UBAC2: variants seen among roughly 807,000 people sequenced by gnomAD.
UBAC2 encodes the protein ubiquitin-associated domain-containing protein 2.
Under a neutral mutation model 44.0 loss-of-function variants are expected in UBAC2, and 26 were observed. The observed-to-expected ratio is 0.59, with a 90% CI of 0.43 to 0.82. UBAC2 has a LOEUF of 0.82. UBAC2 is among the 40% of genes least tolerant of loss of function. The probability of loss-of-function intolerance (pLI) is 0.00; values close to 1 mark genes in which losing one functional copy is unlikely to be tolerated. For missense variants in UBAC2, 329 were observed against 419.4 expected, an observed-to-expected ratio of 0.78 and a Z score of 1.88; for synonymous variants, 155 against 154.3, an observed-to-expected ratio of 1.00 and a Z score of -0.04.
At chr13:99,374,394 T>G (rs777073611) in intron 8 of UBAC2, among the ~76,000 whole-genome samples, 10 of 152,188 alleles carry the variant, frequency 6.6e-5, no homozygotes, top group Non-Finnish European at 1.0e-4. Flanking sequence ...TAGTTTGGTC[T>G]TCTGGTTTGT....
intron 4 of UBAC2, chr13:99,255,087 G>A (rs3742130): frequency 0.19 from 303,842 of 1,613,846 alleles, 30,572 homozygotes; most frequent in Non-Finnish European, 0.21. Context: ...GATTGTAACT[G>A]TTCTCCCCCG....
chr13:99,338,039 CTTTTTTTCTTTTTTTTTTTTTT>C (rs1282560523), intron 6 of UBAC2, among the ~76,000 whole-genome samples: 12 of 91,562 alleles, frequency 1.3e-4, no homozygotes, highest in African/African-American at 5.0e-4. Flanking sequence ...AACTTTTTTT[CTTTTTTTCTTTTTTTTTTTTTT>C]TTTTTTTTTT....
intron 4 of UBAC2, among the ~76,000 whole-genome samples, chr13:99,292,226 C>G (rs1288260013): frequency 6.6e-6 from 1 of 151,920 alleles, no homozygotes; most frequent in East Asian, 1.9e-4. Flanking sequence ...AGCTCCGTCT[C>G]CCAGGTTCAC....
At chr13:99,382,051 T>A (rs576959188) in intron 8 of UBAC2, among the ~76,000 whole-genome samples, 4 of 152,128 alleles carry the variant, frequency 2.6e-5, no homozygotes, top group Non-Finnish European at 5.9e-5. Context: ...TGAAGTGGGT[T>A]TGAAACTGAT....
intron 7 of UBAC2, chr13:99,351,445 C>T (rs1219511412): frequency 2.3e-6 from 1 of 432,220 alleles, no homozygotes; most frequent in Non-Finnish European, 4.6e-6. Flanking sequence ...GCCTCTTTAT[C>T]TTCCAAACCT....
intron 7 of UBAC2, among the ~76,000 whole-genome samples, chr13:99,359,607 G>C (rs1020362596): frequency 2.6e-5 from 4 of 152,148 alleles, no homozygotes; most frequent in African/African-American, 4.8e-5. Context: ...TCCCCTCCCC[G>C]CTTGGGGGCA....
intron 7 of UBAC2, among the ~76,000 whole-genome samples, chr13:99,348,348 C>A (rs1395718211): frequency 2.0e-5 from 3 of 152,078 alleles, no homozygotes; most frequent in African/African-American, 7.2e-5. Flanking sequence ...AAAAAAGAAC[C>A]CTGAGCCTAA....
intron 4 of UBAC2, among the ~76,000 whole-genome samples, chr13:99,272,732 C>A (rs1396443179): frequency 6.6e-6 from 1 of 152,156 alleles, no homozygotes; most frequent in Non-Finnish European, 1.5e-5. Flanking sequence ...ACCCTCATGA[C>A]CTCACCTAAA....
Position 99,385,329 on chromosome 13 carries a change from G to A in UBAC2, c.1029G>A (p.Gln343=). 10 of 1,613,624 alleles carry A rather than the reference G, an allele frequency of 6.2e-6. No individual in the cohort carries two copies. Among genetic ancestry groups the A allele is most frequent in the Non-Finnish European group, 7.6e-6 (9 of 1,179,616 alleles). Residue 343 remains glutamine, a synonymous_variant, in exon 9 of 9, where the codon CAG becomes CAA. Coordinates refer to ENST00000403766, the MANE Select transcript of UBAC2 (RefSeq NM_001144072.2). ...DLNVATNFLL[Q]H ...ATGTCGCCACCAACTTCCTGCTGCAGCACTGATAGTCCCAGGCCAACACTG... is the reference window on the plus strand; with the variant it reads ...ATGTCGCCACCAACTTCCTGCTGCAACACTGATAGTCCCAGGCCAACACTG...
At chr13:99,379,075 A>G (rs1374459327) in intron 8 of UBAC2, among the ~76,000 whole-genome samples, 1 of 152,230 alleles carries the variant, frequency 6.6e-6, no homozygotes, top group Non-Finnish European at 1.5e-5. Context: ...TTGTGAGACC[A>G]ATCAGAAAAG....
intron 7 of UBAC2, chr13:99,356,087 T>C: frequency 2.0e-6 from 1 of 505,210 alleles, no homozygotes; most frequent in Non-Finnish European, 4.2e-6. Context: ...TGAAAAGAAA[T>C]GTCATTAAAG....
intron 1 of UBAC2, among the ~76,000 whole-genome samples, chr13:99,224,343 A>C (rs1261347039): frequency 6.6e-6 from 1 of 152,196 alleles, no homozygotes; most frequent in African/African-American, 2.4e-5. Context: ...TAAAGGGCCT[A>C]TCTCCAAACT....
At chr13:99,353,275 C>T (rs1010443809) in intron 7 of UBAC2, among the ~76,000 whole-genome samples, 4 of 152,352 alleles carry the variant, frequency 2.6e-5, no homozygotes, top group East Asian at 3.9e-4. Context: ...GTTACAGCTA[C>T]GCTGTTTATC....
In UBAC2 at chr13:99,251,293, TTCTAGGTATAGAA is replaced by T. The variant is rs139886216; in HGVS notation, c.389+6672_389+6684del. Among the ~76,000 whole-genome samples the T allele has an allele frequency of 1.1e-3, 166 of 152,300 alleles. 2 individuals carry two copies. The East Asian group carries it at 0.03, about 28-fold the overall frequency. On this transcript the variant is annotated intron_variant, in intron 4 of 8. Coordinates refer to ENST00000403766, the MANE Select transcript of UBAC2 (RefSeq NM_001144072.2). The stretch of plus-strand genomic sequence containing the variant: ...GCCTTTTGGCAGAGTCTTTAGGGTT[TTCTAGGTATAGAA>T]TCATATTGTCAGTAAAGAGAGATAG...
At chr13:99,272,491 A>G (rs1460949267) in intron 4 of UBAC2, among the ~76,000 whole-genome samples, 2 of 152,186 alleles carry the variant, frequency 1.3e-5, no homozygotes, top group African/African-American at 4.8e-5. Context: ...TGTCTTAGTA[A>G]ACTCGTGCTG....
chr13:99,323,051 T>TGCTTCTG (rs1476970108), intron 6 of UBAC2, among the ~76,000 whole-genome samples: 1 of 152,126 alleles, frequency 6.6e-6, no homozygotes, highest in African/African-American at 2.4e-5. Context: ...GGCCCTGGCC[T>TGCTTCTG]GCTTCTGGGC....
chr13:99,383,282 C>T (rs2045574820), intron 8 of UBAC2, among the ~76,000 whole-genome samples: 1 of 152,270 alleles, frequency 6.6e-6, no homozygotes, highest in African/African-American at 2.4e-5. Context: ...TCTCTCAAAT[C>T]CTGCCTGACC....
chr13:99,255,352 T>C, intron 4 of UBAC2: 3 of 1,614,190 alleles, frequency 1.9e-6, no homozygotes, highest in Non-Finnish European at 2.5e-6. Context: ...GTCAGAAATC[T>C]TGAGGCAGGT....
rs761030594 is a variant in UBAC2, at chr13:99,295,087, T to C, written c.390-19010T>C. 14 of 1,614,006 alleles carry C rather than the reference T, an allele frequency of 8.7e-6. No homozygotes were observed. The highest frequency in any genetic ancestry group is 1.1e-5 in the Non-Finnish European group (13 of 1,179,936). ...ACTTTCCATTTGAAGACTTGGAATGTATCATCATCTGCGTTTCTGTCATTT... is the reference window on the plus strand; with the variant it reads ...ACTTTCCATTTGAAGACTTGGAATGCATCATCATCTGCGTTTCTGTCATTT... On this transcript the variant is annotated intron_variant, in intron 4 of 8. Transcript: ENST00000403766. This position sits in a 1 kb window ranked among gnomAD's most constrained non-coding sequence, Gnocchi z 4.1.
Sources: gnomAD v4.1 joint callset for allele counts (sites outside exome capture counted in the v4.1 genomes callset) on GRCh38, gnomAD v4.1.1 for gene constraint, Gnocchi (gnomAD v3.1) non-coding constraint, MANE v1.5 for transcripts, NCBI Gene and HGNC (gene_info 2026-07-23, HGNC 2026-07-21) for gene names.